Variants in GRIK1 observed in about 807,000 individuals in gnomAD.
GRIK1 encodes the protein glutamate receptor ionotropic, kainate 1.
In GRIK1, 69 loss-of-function variants were observed where a neutral mutation model predicts 105.7. The ratio of observed to expected loss-of-function variants is 0.65; its 90% CI spans 0.54 to 0.80. GRIK1 has a LOEUF of 0.80. Ranked by LOEUF, GRIK1 falls within the 30% of genes least tolerant of loss-of-function variation. The pLI is 0.00. For synonymous variants in GRIK1, 438 were observed against 431.3 expected (o/e 1.02, Z -0.19); for missense variants, 1,109 against 1,167.3 (o/e 0.95, Z 0.73).
chr21:29,911,636 G>T (rs1252819920), intron 1 of GRIK1, among the ~76,000 whole-genome samples: 2 of 152,042 alleles, frequency 1.3e-5, no homozygotes, highest in Admixed American at 1.3e-4. Flanking sequence ...CCTTTGGGAG[G>T]TAATATGGTT....
chr21:29,645,579 G>A (rs1377407313), intron 6 of GRIK1, among the ~76,000 whole-genome samples: 5 of 152,058 alleles, frequency 3.3e-5, no homozygotes, highest in South Asian at 2.1e-4. Flanking sequence ...CTATTTGTTC[G>A]AAAAAATATG....
At chr21:29,689,460 T>G (rs2063543668) in intron 3 of GRIK1, among the ~76,000 whole-genome samples, 1 of 152,188 alleles carries the variant, frequency 6.6e-6, no homozygotes, top group Admixed American at 6.5e-5. Context: ...TGTGATTGGA[T>G]TATAACATAT....
chr21:29,922,654 T>C (rs460139), intron 1 of GRIK1, among the ~76,000 whole-genome samples: 33,569 of 152,098 alleles, frequency 0.22, 4,209 homozygotes, highest in African/African-American at 0.34. Flanking sequence ...GCAAAAGGTA[T>C]ACTTACTTAA....
intron 1 of GRIK1, among the ~76,000 whole-genome samples, chr21:29,732,369 C>T (rs2064654758): frequency 6.6e-6 from 1 of 152,154 alleles, no homozygotes; most frequent in Admixed American, 6.6e-5. Context: ...TCCATTGCTG[C>T]AGTCACTGTT....
intron 1 of GRIK1, among the ~76,000 whole-genome samples, chr21:29,814,588 C>T: frequency 6.6e-6 from 1 of 150,530 alleles, no homozygotes; most frequent in East Asian, 1.9e-4. Context: ...ACATCAAATG[C>T]TTCTTCCTTC....
chr21:29,873,757 G>T (rs995462865), intron 1 of GRIK1, among the ~76,000 whole-genome samples: 1 of 152,168 alleles, frequency 6.6e-6, no homozygotes, highest in Admixed American at 6.5e-5. Context: ...AACAAGTTTA[G>T]ATTTTATCCT....
intron 1 of GRIK1, among the ~76,000 whole-genome samples, chr21:29,747,706 G>A (rs532363849): frequency 1.3e-5 from 2 of 152,294 alleles, no homozygotes; most frequent in African/African-American, 2.4e-5. Context: ...GCACGTGCCT[G>A]TAGTTCCAGC....
chr21:29,932,361 T>A (rs910554045), intron 1 of GRIK1, among the ~76,000 whole-genome samples: 1 of 152,174 alleles, frequency 6.6e-6, no homozygotes, highest in Non-Finnish European at 1.5e-5. Flanking sequence ...TGACTAATCT[T>A]ACCTTAGATT....
intron 9 of GRIK1, among the ~76,000 whole-genome samples, chr21:29,595,490 A>G (rs748066315): frequency 6.6e-6 from 1 of 151,892 alleles, no homozygotes; most frequent in Non-Finnish European, 1.5e-5. Flanking sequence ...CTATGCTTTG[A>G]AAACTTAAAA....
At chr21:29,744,087 TA>T (rs1302522358) in intron 1 of GRIK1, among the ~76,000 whole-genome samples, 1 of 152,090 alleles carries the variant, frequency 6.6e-6, no homozygotes, top group Non-Finnish European at 1.5e-5. Flanking sequence ...AAATAGAAGT[TA>T]AAAAAATAGA....
chr21:29,806,131 T>C (rs1318933673), intron 1 of GRIK1, among the ~76,000 whole-genome samples: 6 of 152,192 alleles, frequency 3.9e-5, no homozygotes, highest in Non-Finnish European at 8.8e-5. Context: ...TATCCCACTA[T>C]ATTATGAATA....
intron 1 of GRIK1, among the ~76,000 whole-genome samples, chr21:29,892,713 T>C (rs2069948174): frequency 6.6e-6 from 1 of 152,224 alleles, no homozygotes; most frequent in South Asian, 2.1e-4. Flanking sequence ...CTCTATGCCC[T>C]TAGAGAAATC....
intron 1 of GRIK1, among the ~76,000 whole-genome samples, chr21:29,738,299 T>A (rs2064847047): frequency 6.6e-6 from 1 of 152,242 alleles, no homozygotes; most frequent in African/African-American, 2.4e-5. Flanking sequence ...ATGCATGCAT[T>A]TCTCTTATAA....
At chr21:29,545,793 C>T (rs1424108124) in intron 16 of GRIK1, among the ~76,000 whole-genome samples, 1 of 152,154 alleles carries the variant, frequency 6.6e-6, no homozygotes, top group African/African-American at 2.4e-5. Flanking sequence ...TCTCAAGCTA[C>T]AAACTTGGAT....
intron 1 of GRIK1, among the ~76,000 whole-genome samples, chr21:29,902,698 C>T (rs1229074796): frequency 6.6e-6 from 1 of 152,118 alleles, no homozygotes; most frequent in Non-Finnish European, 1.5e-5. Context: ...GAATCAATAT[C>T]GTGAAAATGG....
intron 1 of GRIK1, among the ~76,000 whole-genome samples, chr21:29,813,594 T>C (rs1487021409): frequency 6.6e-6 from 1 of 152,140 alleles, no homozygotes; most frequent in Non-Finnish European, 1.5e-5. Flanking sequence ...AAGATAAACA[T>C]GAGTGTGTAG....
intron 1 of GRIK1, among the ~76,000 whole-genome samples, chr21:29,819,110 T>C (rs992011863): frequency 2.6e-5 from 4 of 152,116 alleles, no homozygotes; most frequent in Non-Finnish European, 5.9e-5. Flanking sequence ...CAAGCTATGC[T>C]TACATTATTA....
In GRIK1 at chr21:29,651,262, A is replaced by G. The variant is rs748344722; in HGVS notation, c.810T>C (p.Tyr270=). The G allele has an allele frequency of 6.2e-7, 1 of 1,613,134 alleles. No individual in the cohort carries two copies. The highest frequency in any genetic ancestry group is 8.5e-7 in the Non-Finnish European group (1 of 1,179,268). Residue 270 remains tyrosine (Y), a synonymous_variant, in exon 6 of 18, where the codon TAT becomes TAC. Transcript: ENST00000327783. ...LDLFALDLEL[Y]RYSGVNMTGF... ...CGGTCATGTTTACGCCACTGTACCT[A>G]TAGAGTTCCAGATCCAAAGCAAATA...
At chr21:29,553,386 C>T in intron 16 of GRIK1, 2 of 1,289,426 alleles carry the variant, frequency 1.6e-6, no homozygotes, top group Non-Finnish European at 2.0e-6. Context: ...ACATACAGTG[C>T]AAGTATCTTT....
Sources: gnomAD v4.1 joint callset for allele counts (sites outside exome capture counted in the v4.1 genomes callset) on GRCh38, gnomAD v4.1.1 for gene constraint, MANE v1.5 for transcripts, NCBI Gene and HGNC (gene_info 2026-07-23, HGNC 2026-07-21) for gene names.